CYB561D2: variants seen among roughly 807,000 people sequenced by gnomAD.
The protein encoded by CYB561D2 is transmembrane reductase CYB561D2.
CYB561D2 carries 16 observed loss-of-function variants against 20.2 expected under a neutral mutation model. That is an observed-to-expected ratio of 0.79 (90% CI 0.53 to 1.20). The LOEUF (loss-of-function observed/expected upper bound fraction) is 1.20, where lower values mean the gene tolerates loss of function less well. CYB561D2 is among the 50% of genes most tolerant of loss of function. The pLI, the probability that CYB561D2 is intolerant of heterozygous loss-of-function variation, is 0.00. For missense variants in CYB561D2, 247 were observed against 270.3 expected, an observed-to-expected ratio of 0.91 and a Z score of 0.60; for synonymous variants, 135 against 128.3, an observed-to-expected ratio of 1.05 and a Z score of -0.35.
In CYB561D2 at chr3:50,353,732, G is replaced by C. The variant is rs774767633; in HGVS notation, c.657G>C (p.Arg219Ser). ...GCAATGCCTACCTATACCGCAAGAG[G>C]ATCCAACCATGAGCTCTTCCCAGCC... Reference protein sequence around the residue: ...QVSNAYLYRKRIQP With the variant: ...QVSNAYLYRKSIQP The change falls in exon 4 of 4, where the codon AGG becomes AGC. Residue 219 changes from arginine to serine, a missense_variant. Transcript: ENST00000425346. 6.9e-6 allele frequency: 11 copies of C among 1,598,410 alleles called. No homozygotes were observed. Among genetic ancestry groups the C allele is most frequent in the Non-Finnish European group, 9.4e-6 (11 of 1,170,004 alleles).
rs59516380 is a variant in CYB561D2, at chr3:50,352,684, C to CAAAA, written c.166-537_166-534dup. Among the ~76,000 whole-genome samples, 138 of 45,622 alleles carry CAAAA rather than the reference C, an allele frequency of 3.0e-3. 1 individual carries two copies. In the East Asian group the frequency reaches 0.046, roughly 15 times the overall value. The allele number at this position is 45,622 out of a possible 152,430, so 29.9% of individuals were successfully genotyped here. A position where few individuals can be genotyped will look rare whatever the true frequency, so the allele number is the denominator to read the frequency against. On this transcript the variant is annotated intron_variant, in intron 3 of 3. Transcript: ENST00000425346. ...CTGGGTGACAGAGAGAGACTATCTC[C>CAAAA]AAAAAAAAAAAAAAAAAAAAAAAGA... is the stretch of plus-strand genomic sequence containing the variant.
At position 50,350,998 on chromosome 3, in the gene CYB561D2, G is replaced by T; in HGVS notation, c.-26+14G>T. On this transcript the variant is annotated intron_variant, in intron 1 of 3. Coordinates refer to ENST00000425346, the MANE Select transcript of CYB561D2 (RefSeq NM_001291284.2). This position sits in a 1 kb window ranked among gnomAD's most constrained non-coding sequence, Gnocchi z 5.7. ...CGGCAGAGGCAGGCAAGTCCCTAGCGTGGAGGGGCAGCATGCTGGCAGCAC... is the reference window on the plus strand; with the variant it reads ...CGGCAGAGGCAGGCAAGTCCCTAGCTTGGAGGGGCAGCATGCTGGCAGCAC... 2.0e-6 allele frequency: 2 copies of T among 980,486 alleles called. No individual in the cohort carries two copies. The highest frequency in any genetic ancestry group is 2.7e-6 in the Non-Finnish European group (2 of 738,328). The allele number at this position is 980,486 out of a possible 1,614,324, so 60.7% of individuals were successfully genotyped here. A position where few individuals can be genotyped will look rare whatever the true frequency, so the allele number is the denominator to read the frequency against.
chr3:50,351,724 C>T (rs745767173), intron 2 of CYB561D2, among the ~76,000 whole-genome samples, 164 bp downstream of exon 2: 1 of 152,202 alleles, frequency 6.6e-6, no homozygotes, highest in Non-Finnish European at 1.5e-5. Context: ...CACAGAATTC[C>T]TGGTTTGTCT....
rs1036771931 is a variant in CYB561D2 at position 50,353,834 on chromosome 3, G to A, written c.*90G>A. 83 of 1,449,878 alleles carry A rather than the reference G, an allele frequency of 5.7e-5. No individual in the cohort carries two copies. The highest frequency in any genetic ancestry group is 8.4e-5 in the Admixed American group (4 of 47,478). 89.8% of individuals were successfully genotyped at this position (1,449,878 alleles called of 1,614,324 possible). A position where few individuals can be genotyped will look rare whatever the true frequency, so the allele number is the denominator to read the frequency against. ...GTTGAACTCTCTCAGCTGAGTCAGG[G>A]GACACCTCAGGCACTGGGACAGTTG... On this transcript the variant is annotated 3_prime_UTR_variant, in exon 4 of 4. Transcript: ENST00000425346.
At chr3:50,351,240 G>A (rs1245646343) in intron 1 of CYB561D2, 169 bp from the exon 2 acceptor site, 3 of 716,888 alleles carry the variant, frequency 4.2e-6, no homozygotes, top group Non-Finnish European at 6.5e-6. Context: ...TTGACAGGCC[G>A]CCGGCCGTCG....
At chr3:50,352,505 A>C (rs1320051420) in intron 3 of CYB561D2, among the ~76,000 whole-genome samples, 2 of 149,052 alleles carry the variant, frequency 1.3e-5, no homozygotes, top group Non-Finnish European at 1.5e-5. Context: ...AAAAAAACCC[A>C]AAAACAAAAA....
At position 50,353,522 on chromosome 3, in the gene CYB561D2, A is replaced by T. The variant is rs1383090472; in HGVS notation, c.447A>T (p.Arg149=). Reference sequence around the variant, plus strand: ...TGCTCTACCCCAAGCTGCTGCCCCGATGGCCCCTGGCGAAGCTCAAGCTAT... The same window carrying T: ...TGCTCTACCCCAAGCTGCTGCCCCGTTGGCCCCTGGCGAAGCTCAAGCTAT... ...VGLLYPKLLP[R]WPLAKLKLYH... is the part of the protein sequence containing the mutation. Residue 149 remains arginine (R), a synonymous_variant, in exon 4 of 4, where the codon CGA becomes CGT. Transcript: ENST00000425346. The T allele has an allele frequency of 6.2e-7, 1 of 1,613,624 alleles. No individual in the cohort carries two copies.
At chr3:50,351,366 C>T in intron 1 of CYB561D2, 43 bp from the exon 2 acceptor site, 17 of 1,577,608 alleles carry the variant, frequency 1.1e-5, no homozygotes, top group Non-Finnish European at 1.5e-5. Context: ...GAGGAGTGAA[C>T]AGTGGGCACC....
Position 50,354,003 on chromosome 3 carries a change from G to T in CYB561D2, c.*259G>T. On this transcript the variant is annotated 3_prime_UTR_variant, in exon 4 of 4. Coordinates refer to ENST00000425346, the MANE Select transcript of CYB561D2 (RefSeq NM_001291284.2). Reference sequence around the variant, plus strand: ...GCTGCAAGACTGCCTCTCCTGCAAGGCAGCTCATACTTGTACTGTATGTTC... The same window carrying T: ...GCTGCAAGACTGCCTCTCCTGCAAGTCAGCTCATACTTGTACTGTATGTTC... 2.0e-6 allele frequency: 1 copy of T among 503,340 alleles called. No homozygotes were observed. The highest frequency in any genetic ancestry group is 3.2e-5 in the East Asian group (1 of 31,716). The allele number at this position is 503,340 out of a possible 1,614,324, so 31.2% of individuals were successfully genotyped here.
At chr3:50,353,125 A>C in intron 3 of CYB561D2, 116 bp from the exon 4 acceptor site, 1 of 1,414,312 alleles carries the variant, frequency 7.1e-7, no homozygotes, top group East Asian at 2.3e-5. Flanking sequence ...CAGTGGGGAG[A>C]GAAAGAAAAA....
Position 50,350,883 on chromosome 3 carries a change from A to C in CYB561D2, c.-127A>C. On this transcript the variant is annotated 5_prime_UTR_variant, in exon 1 of 4. Coordinates refer to ENST00000425346, the MANE Select transcript of CYB561D2 (RefSeq NM_001291284.2). This position sits in a 1 kb window ranked among gnomAD's most constrained non-coding sequence, Gnocchi z 5.7. ...GGGTAGACGTCGCACCCGGAAGTAAAGCGGCTCCGTGACGGAGCGGCGGTG... is the reference window on the plus strand; with the variant it reads ...GGGTAGACGTCGCACCCGGAAGTAACGCGGCTCCGTGACGGAGCGGCGGTG... The C allele has an allele frequency of 1.4e-6, 2 of 1,398,890 alleles. No homozygotes were observed. Among genetic ancestry groups the C allele is most frequent in the Non-Finnish European group, 9.2e-7 (1 of 1,082,452 alleles). 86.7% of individuals were successfully genotyped at this position (1,398,890 alleles called of 1,614,324 possible). A position where few individuals can be genotyped will look rare whatever the true frequency, so the allele number is the denominator to read the frequency against.
intron 3 of CYB561D2, 78 bp downstream of exon 3, chr3:50,352,124 G>A (rs1703780782): frequency 1.3e-6 from 2 of 1,516,276 alleles, no homozygotes; most frequent in Admixed American, 1.7e-5. Context: ...CTGAATCTTT[G>A]TCCACATTTA....
At position 50,352,684 on chromosome 3, in the gene CYB561D2, C is replaced by CAAA. The variant is rs59516380; in HGVS notation, c.166-536_166-534dup. Among the ~76,000 whole-genome samples the CAAA allele has an allele frequency of 0.045, 2,069 of 45,556 alleles. 292 individuals are homozygous for CAAA. The East Asian group carries it at 0.52, about 11-fold the overall frequency. The allele number at this position is 45,556 out of a possible 152,430, so 29.9% of individuals were successfully genotyped here. On this transcript the variant is annotated intron_variant, in intron 3 of 3. Coordinates refer to ENST00000425346, the MANE Select transcript of CYB561D2 (RefSeq NM_001291284.2). ...CTGGGTGACAGAGAGAGACTATCTCCAAAAAAAAAAAAAAAAAAAAAAAGA... is the reference window on the plus strand; with the variant it reads ...CTGGGTGACAGAGAGAGACTATCTCCAAAAAAAAAAAAAAAAAAAAAAAAAAGA...
rs1559859264 is a variant in CYB561D2 at position 50,351,425 on chromosome 3, CG to C, written c.-7del. 1 of 1,613,012 alleles carries C rather than the reference CG, an allele frequency of 6.2e-7. No homozygotes were observed. Among genetic ancestry groups the C allele is most frequent in the South Asian group, 1.1e-5 (1 of 91,046 alleles). ...TGCTTTCAGGCTACAACCACTAGCA[CG>C]GCTGACGATGGCCCTTTCTGCGGAG... is the stretch of plus-strand genomic sequence containing the variant. On this transcript the variant is annotated 5_prime_UTR_variant, in exon 2 of 4. Coordinates refer to ENST00000425346, the MANE Select transcript of CYB561D2 (RefSeq NM_001291284.2).
rs1283681517 is a variant in CYB561D2, at chr3:50,353,741, A to G, written c.666A>G (p.Pro222=). 1 of 1,591,498 alleles carries G rather than the reference A, an allele frequency of 6.3e-7. No homozygotes were observed. Among genetic ancestry groups the G allele is most frequent in the East Asian group, 2.3e-5 (1 of 44,438 alleles). Residue 222 remains proline (P), a synonymous_variant, in exon 4 of 4, where the codon CCA becomes CCG. Coordinates refer to ENST00000425346, the MANE Select transcript of CYB561D2 (RefSeq NM_001291284.2). ...NAYLYRKRIQ[P] Reference sequence around the variant, plus strand: ...ACCTATACCGCAAGAGGATCCAACCATGAGCTCTTCCCAGCCTAGGGGAAG... The same window carrying G: ...ACCTATACCGCAAGAGGATCCAACCGTGAGCTCTTCCCAGCCTAGGGGAAG...
At position 50,353,561 on chromosome 3, in the gene CYB561D2, T is replaced by G; in HGVS notation, c.486T>G (p.Ser162=). Residue 162 remains serine, a synonymous_variant, in exon 4 of 4, where the codon TCT becomes TCG. Transcript: ENST00000425346. ...LAKLKLYHAT[S]GLVGYLLGSA... The stretch of plus-strand genomic sequence containing the variant: ...AGCTCAAGCTATACCATGCTACTTC[T>G]GGGCTGGTGGGCTACCTGCTGGGTA... 6.2e-7 allele frequency: 1 copy of G among 1,613,788 alleles called. No individual in the cohort carries two copies. The highest frequency in any genetic ancestry group is 1.1e-5 in the South Asian group (1 of 91,090).
chr3:50,351,362 T>C lies in CYB561D2; in HGVS notation c.-25-47T>C, dbSNP rs587714840. 3.1e-5 allele frequency: 48 copies of C among 1,569,074 alleles called. No homozygotes were observed. In the African/African-American group the frequency reaches 5.1e-4, roughly 17 times the overall value. On this transcript the variant is annotated intron_variant, in intron 1 of 3. Transcript: ENST00000425346. ...TTGCAGCCTTTTCTCCAGTGAGGAG[T>C]GAACAGTGGGCACCTGAGATCCTGG... is the stretch of plus-strand genomic sequence containing the variant.
In CYB561D2 at chr3:50,350,887, G is replaced by T; in HGVS notation, c.-123G>T. The T allele has an allele frequency of 7.1e-7, 1 of 1,399,826 alleles. No homozygotes were observed. 86.7% of individuals were successfully genotyped at this position (1,399,826 alleles called of 1,614,324 possible). On this transcript the variant is annotated 5_prime_UTR_variant, in exon 1 of 4. Transcript: ENST00000425346. The surrounding 1 kb of genome is among the most constrained non-coding windows in gnomAD (Gnocchi z 5.7). ...AGACGTCGCACCCGGAAGTAAAGCGGCTCCGTGACGGAGCGGCGGTGCGCG... is the reference window on the plus strand; with the variant it reads ...AGACGTCGCACCCGGAAGTAAAGCGTCTCCGTGACGGAGCGGCGGTGCGCG...
At position 50,351,567 on chromosome 3, in the gene CYB561D2, A is replaced by G. The variant is rs752591511; in HGVS notation, c.127+7A>G. ...CTTGCCAGGCCTGGCTCCAGTAAGT[A>G]GAATTCATAGCTGACTTCTGGGAAG... On this transcript the variant is annotated splice_region_variant and intron_variant, in intron 2 of 3. Transcript: ENST00000425346. The G allele has an allele frequency of 1.2e-6, 2 of 1,610,960 alleles. No homozygotes were observed. Among genetic ancestry groups the G allele is most frequent in the Non-Finnish European group, 1.7e-6 (2 of 1,178,202 alleles).
Sources: allele counts gnomAD v4.1 joint callset (sites outside exome capture counted in the v4.1 genomes callset), GRCh38; gene constraint gnomAD v4.1.1; non-coding constraint Gnocchi (gnomAD v3.1); transcripts MANE v1.5; gene names NCBI Gene and HGNC (gene_info 2026-07-23, HGNC 2026-07-21).